The following SHCBP1 variants were observed in gnomAD, a reference collection of about 807,000 sequenced individuals.
SHCBP1 encodes SHC SH2 domain-binding protein 1.
A neutral mutation model predicts 75.1 loss-of-function variants in SHCBP1; 60 were observed. The ratio of observed to expected loss-of-function variants is 0.80; its 90% CI spans 0.65 to 0.99. The LOEUF is 0.99. Among genes scored for constraint, SHCBP1 ranks in the 50% least tolerant of loss-of-function variants. The pLI is 0.00. For synonymous variants in SHCBP1, 290 were observed against 293.2 expected, an observed-to-expected ratio of 0.99 and a Z score of 0.11; for missense variants, 709 against 809.4, an observed-to-expected ratio of 0.88 and a Z score of 1.50.
chr16:46,607,142 G>A (rs958463173), intron 5 of SHCBP1, among the ~76,000 whole-genome samples: 2 of 152,114 alleles, frequency 1.3e-5, no homozygotes, highest in Non-Finnish European at 2.9e-5. Flanking sequence ...ATCACTTGAG[G>A]TCAGGAGTTC....
rs532579376 is a variant in SHCBP1, at chr16:46,606,130, C to G, written c.690-1669G>C. Among the ~76,000 whole-genome samples the G allele has an allele frequency of 9.9e-5, 15 of 152,220 alleles. No individual in the cohort carries two copies. In the South Asian group the frequency reaches 3.1e-3, roughly 32 times the overall value. ...CCCGTTAGCTTATTTCTTTTCATTT[C>G]TTTTCATTATATTGATACTTCATAG... is the stretch of plus-strand genomic sequence containing the variant. On this transcript the variant is annotated intron_variant, in intron 5 of 12. Transcript: ENST00000303383.
intron 5 of SHCBP1, 52 bp from the exon 6 acceptor site, chr16:46,604,513 T>A: frequency 7.3e-7 from 1 of 1,362,290 alleles, no homozygotes; most frequent in Admixed American, 1.7e-5. Context: ...CACATTTTCC[T>A]ATCATTAAAA....
intron 10 of SHCBP1, among the ~76,000 whole-genome samples, chr16:46,594,605 G>A (rs1321633538): frequency 6.6e-6 from 1 of 152,038 alleles, no homozygotes; most frequent in African/African-American, 2.4e-5. Context: ...AAATGCTCTT[G>A]AGGACATGGA....
intron 10 of SHCBP1, among the ~76,000 whole-genome samples, chr16:46,585,611 C>T (rs957907969): frequency 1.3e-5 from 2 of 152,194 alleles, no homozygotes; most frequent in Non-Finnish European, 2.9e-5. Flanking sequence ...GTAAACACCA[C>T]AGAGCCAGGA....
intron 5 of SHCBP1, among the ~76,000 whole-genome samples, chr16:46,606,375 T>C (rs1442725337): frequency 1.3e-5 from 2 of 152,228 alleles, no homozygotes; most frequent in Admixed American, 6.5e-5. Flanking sequence ...TCTGCCTACA[T>C]TTGATAACAT....
intron 4 of SHCBP1, among the ~76,000 whole-genome samples, chr16:46,608,603 CTT>C (rs34823071): frequency 3.1e-5 from 4 of 127,014 alleles, no homozygotes; most frequent in Admixed American, 8.6e-5. Flanking sequence ...TTTGTTAGGA[CTT>C]TTTTTTTTTT....
In SHCBP1 at chr16:46,601,340, T is replaced by C. The variant is rs572770835; in HGVS notation, c.1214-1378A>G. Among the ~76,000 whole-genome samples the C allele has an allele frequency of 1.1e-4, 17 of 152,242 alleles. No homozygotes were observed. In the South Asian group the frequency reaches 3.1e-3, roughly 28 times the overall value. On this transcript the variant is annotated intron_variant, in intron 8 of 12. Transcript: ENST00000303383. ...ACAAAAACAAAAAAACCATCAGATC[T>C]GTATAAATCTTACTCAAACCATTAA...
intron 10 of SHCBP1, among the ~76,000 whole-genome samples, chr16:46,592,135 CT>C (rs1298598733): frequency 2.6e-5 from 4 of 151,162 alleles, no homozygotes; most frequent in Non-Finnish European, 5.9e-5. Context: ...AAAATTAAAT[CT>C]AAAAAAAGAA....
chr16:46,609,154 C>A (rs1040846705), intron 4 of SHCBP1, among the ~76,000 whole-genome samples: 1 of 152,130 alleles, frequency 6.6e-6, no homozygotes, highest in South Asian at 2.1e-4. Flanking sequence ...GGTTCTCAAC[C>A]CTCATTGTAC....
rs753993283 is a variant in SHCBP1, at chr16:46,621,369, C to T, written c.-10G>A. On this transcript the variant is annotated 5_prime_UTR_variant, in exon 1 of 13. Transcript: ENST00000303383. ...GCGACCCGTCAGCCATTTCAAATTT[C>T]CGCGGACGGCAGCCCAGGCAACGAC... 7 of 1,610,068 alleles carry T rather than the reference C, an allele frequency of 4.3e-6. No individual in the cohort carries two copies. The highest frequency in any genetic ancestry group is 5.9e-6 in the Non-Finnish European group (7 of 1,178,350).
chr16:46,608,536 C>T (rs1346047142), intron 4 of SHCBP1, 147 bp from the exon 5 acceptor site: 3 of 575,834 alleles, frequency 5.2e-6, no homozygotes, highest in Non-Finnish European at 9.2e-6. Context: ...TCATGAGTCA[C>T]ACAACATAGA....
chr16:46,618,108 G>T, intron 2 of SHCBP1, 97 bp downstream of exon 2: 1 of 1,201,316 alleles, frequency 8.3e-7, no homozygotes, highest in Non-Finnish European at 1.1e-6. Context: ...CCTGGGAGGC[G>T]GAGGTTGCGG....
intron 5 of SHCBP1, among the ~76,000 whole-genome samples, chr16:46,605,146 G>T (rs1360854248): frequency 6.6e-6 from 1 of 152,156 alleles, no homozygotes; most frequent in East Asian, 1.9e-4. Context: ...AAATGACCTT[G>T]TACTGGACAA....
intron 6 of SHCBP1, 29 bp downstream of exon 6, chr16:46,604,199 C>T (rs767162509): frequency 1.2e-6 from 2 of 1,612,668 alleles, no homozygotes; most frequent in Non-Finnish European, 1.7e-6. Context: ...AAGATGCTGA[C>T]TAACTAAGAA....
intron 10 of SHCBP1, among the ~76,000 whole-genome samples, chr16:46,584,999 C>A (rs1173856974): frequency 1.3e-5 from 2 of 152,146 alleles, no homozygotes; most frequent in Non-Finnish European, 2.9e-5. Context: ...ATACACCAAT[C>A]TAACTCTTTT....
intron 10 of SHCBP1, among the ~76,000 whole-genome samples, chr16:46,584,881 A>G (rs1053556202): frequency 2.0e-5 from 3 of 152,262 alleles, no homozygotes; most frequent in African/African-American, 7.2e-5. Flanking sequence ...GTAACCATTG[A>G]TGACACATCT....
intron 11 of SHCBP1, 138 bp from the exon 12 acceptor site, chr16:46,583,795 C>A: frequency 9.4e-7 from 1 of 1,062,118 alleles, no homozygotes; most frequent in Non-Finnish European, 1.3e-6. Context: ...AGTCTGCACC[C>A]TTAGTGACAC....
At chr16:46,584,637 A>C (rs1424837659) in intron 10 of SHCBP1, among the ~76,000 whole-genome samples, 1 of 152,216 alleles carries the variant, frequency 6.6e-6, no homozygotes, top group African/African-American at 2.4e-5. Context: ...ACACACGTTA[A>C]CATCAGCAGC....
intron 4 of SHCBP1, among the ~76,000 whole-genome samples, chr16:46,612,302 G>A (rs1244979086): frequency 6.6e-6 from 1 of 152,192 alleles, no homozygotes; most frequent in South Asian, 2.1e-4. Context: ...CAGAGATGAG[G>A]TCAGGGTAGA....
Sources: gnomAD v4.1 joint callset for allele counts (sites outside exome capture counted in the v4.1 genomes callset) on GRCh38, gnomAD v4.1.1 for gene constraint, MANE v1.5 for transcripts, NCBI Gene and HGNC (gene_info 2026-07-23, HGNC 2026-07-21) for gene names.